The following TYW1 variants were observed in gnomAD, a reference collection of about 807,000 sequenced individuals.
The protein encoded by TYW1 is S-adenosyl-L-methionine-dependent tRNA 4-demethylwyosine synthase TYW1.
Under a neutral mutation model 96.2 loss-of-function variants are expected in TYW1, and 46 were observed. That is an observed-to-expected ratio of 0.48 (90% confidence interval 0.38 to 0.61). The LOEUF (loss-of-function observed/expected upper bound fraction) is 0.61. TYW1 is among the 20% of genes least tolerant of loss of function. TYW1 has a pLI of 0.00. For synonymous variants in TYW1, 274 were observed against 323.0 expected (o/e 0.85, Z 1.63); for missense variants, 684 against 909.6 (o/e 0.75, Z 3.19).
intron 15 of TYW1, among the ~76,000 whole-genome samples, chr7:67,216,977 G>A (rs542477443): frequency 1.0e-3 from 152 of 150,262 alleles, no homozygotes; most frequent in Admixed American, 2.1e-3. Flanking sequence ...ATGTGGCTTG[G>A]TGTGCAGATA....
At chr7:67,191,994 C>T (rs754268038) in intron 14 of TYW1, among the ~76,000 whole-genome samples, 1 of 151,612 alleles carries the variant, frequency 6.6e-6, no homozygotes, top group East Asian at 1.9e-4. Flanking sequence ...CTGCCGGGTT[C>T]GAGCTATTCT....
At chr7:67,076,370 A>G (rs1451525325) in intron 10 of TYW1, among the ~76,000 whole-genome samples, 1 of 152,286 alleles carries the variant, frequency 6.6e-6, no homozygotes, top group African/African-American at 2.4e-5. Flanking sequence ...TTCAGTTGCT[A>G]TTTCTTTGTG....
intron 3 of TYW1, among the ~76,000 whole-genome samples, chr7:67,003,766 G>A (rs952691245): frequency 3.9e-5 from 6 of 152,210 alleles, no homozygotes; most frequent in African/African-American, 1.4e-4. Flanking sequence ...TGTGAGGCCA[G>A]GTGTGGTGGC....
Position 66,998,332 on chromosome 7 carries a change from TTCTC to T in TYW1, c.135+139_135+142del, listed in dbSNP as rs199571386. On this transcript the variant is annotated intron_variant, in intron 2 of 15. Transcript: ENST00000359626. Reference sequence around the variant, plus strand: ...TAATGAAATGCCTAAAATAAATTTCTTCTCTAAGTTTTTGGAGACTAAGTTATCT... The same window carrying T: ...TAATGAAATGCCTAAAATAAATTTCTTAAGTTTTTGGAGACTAAGTTATCT... 2.0e-4 allele frequency: 246 copies of T among 1,222,962 alleles called. 2 individuals are homozygous for T. In the East Asian group the frequency reaches 5.9e-3, roughly 29 times the overall value. 75.8% of individuals were successfully genotyped at this position (1,222,962 alleles called of 1,614,324 possible). A position where few individuals can be genotyped will look rare whatever the true frequency, so the allele number is the denominator to read the frequency against.
intron 13 of TYW1, among the ~76,000 whole-genome samples, chr7:67,128,966 G>T (rs1797984874): frequency 6.6e-6 from 1 of 152,154 alleles, no homozygotes; most frequent in African/African-American, 2.4e-5. Flanking sequence ...TGGGATTACA[G>T]GTGTGAGCCA....
intron 10 of TYW1, among the ~76,000 whole-genome samples, chr7:67,080,380 C>A (rs1314069989): frequency 6.6e-6 from 1 of 150,782 alleles, no homozygotes; most frequent in Non-Finnish European, 1.5e-5. Flanking sequence ...TTATCTTATA[C>A]AAGGATAGCT....
intron 15 of TYW1, among the ~76,000 whole-genome samples, chr7:67,205,389 G>A (rs796984270): frequency 4.5e-4 from 60 of 132,362 alleles, no homozygotes; most frequent in Non-Finnish European, 8.3e-4. Context: ...ATGGAGGCGG[G>A]GGGGGGGCCT....
chr7:67,131,470 A>C (rs1798072133), intron 13 of TYW1, among the ~76,000 whole-genome samples: 1 of 152,190 alleles, frequency 6.6e-6, no homozygotes, highest in Non-Finnish European at 1.5e-5. Flanking sequence ...TTTCTATCCT[A>C]TCATACTTCT....
intron 10 of TYW1, among the ~76,000 whole-genome samples, chr7:67,073,975 G>A (rs968802421): frequency 4.0e-4 from 61 of 150,722 alleles, no homozygotes; most frequent in African/African-American, 1.5e-3. Flanking sequence ...CCAGCTACTC[G>A]GGAGGCTGAG....
At chr7:67,209,721 C>T (rs371090724) in intron 15 of TYW1, among the ~76,000 whole-genome samples, 328 of 152,132 alleles carry the variant, frequency 2.2e-3, no homozygotes, top group African/African-American at 7.6e-3. Flanking sequence ...TACAAGCGCA[C>T]GCCACCACGC....
At chr7:67,117,294 A>G (rs1797624489) in intron 12 of TYW1, among the ~76,000 whole-genome samples, 189 bp from the exon 13 acceptor site, 2 of 152,232 alleles carry the variant, frequency 1.3e-5, no homozygotes, top group African/African-American at 2.4e-5. Flanking sequence ...CATTTAAAAA[A>G]TAACCAGAGG....
chr7:67,082,181 C>A (rs760815456), intron 10 of TYW1, among the ~76,000 whole-genome samples: 5 of 151,842 alleles, frequency 3.3e-5, no homozygotes, highest in Non-Finnish European at 5.9e-5. Flanking sequence ...GTCATGTTTT[C>A]TTGCTATTTC....
chr7:67,045,722 A>G (rs1355162419), intron 7 of TYW1, among the ~76,000 whole-genome samples: 2 of 152,188 alleles, frequency 1.3e-5, no homozygotes. Flanking sequence ...TGGCGAGGAC[A>G]TGAGTTTTCT....
chr7:67,128,451 C>A (rs556805323), intron 13 of TYW1, among the ~76,000 whole-genome samples: 1 of 152,190 alleles, frequency 6.6e-6, no homozygotes, highest in Non-Finnish European at 1.5e-5. Context: ...ACTTTATCCA[C>A]TGGAGCCCTT....
chr7:67,121,383 A>G lies in TYW1; in HGVS notation c.1698+3765A>G, dbSNP rs1216575274. Among the ~76,000 whole-genome samples, 4 of 152,124 alleles carry G rather than the reference A, an allele frequency of 2.6e-5. No homozygotes were observed. The East Asian group carries it at 5.8e-4, about 22-fold the overall frequency. On this transcript the variant is annotated intron_variant, in intron 13 of 15. Transcript: ENST00000359626. ...AAACCCCGTCTCTACTACAAATACA[A>G]AAAAACAATTAGCCAGGAGTGGTGG...
intron 15 of TYW1, among the ~76,000 whole-genome samples, chr7:67,197,796 A>G (rs1800449122): frequency 6.6e-6 from 1 of 151,916 alleles, no homozygotes; most frequent in African/African-American, 2.4e-5. Context: ...TTAAATTTGG[A>G]AATTATTTCA....
chr7:67,153,727 G>A lies in TYW1; in HGVS notation c.1699-29399G>A, dbSNP rs144436108. Among the ~76,000 whole-genome samples the A allele has an allele frequency of 4.8e-4, 73 of 152,196 alleles. 1 individual carries two copies. Among genetic ancestry groups the A allele is most frequent in the African/African-American group, 1.7e-3 (69 of 41,564 alleles). Reference sequence around the variant, plus strand: ...ATTTAGAAACCATCTTTATTGACATGTTTAGTTTATACTAACTATACTTGA... The same window carrying A: ...ATTTAGAAACCATCTTTATTGACATATTTAGTTTATACTAACTATACTTGA... On this transcript the variant is annotated intron_variant, in intron 13 of 15. Coordinates refer to ENST00000359626, the MANE Select transcript of TYW1 (RefSeq NM_018264.4).
chr7:67,161,757 G>GTA (rs1223200569), intron 13 of TYW1, among the ~76,000 whole-genome samples: 10 of 152,018 alleles, frequency 6.6e-5, no homozygotes, highest in Non-Finnish European at 1.2e-4. Flanking sequence ...CCTAATGTTA[G>GTA]TATAATAAGT....
chr7:67,024,258 G>T (rs1275700095), intron 6 of TYW1, among the ~76,000 whole-genome samples: 3 of 152,068 alleles, frequency 2.0e-5, no homozygotes, highest in Non-Finnish European at 2.9e-5. Flanking sequence ...TTGAACTCCT[G>T]GCTTCAAGTG....
Sources: allele counts gnomAD v4.1 joint callset (sites outside exome capture counted in the v4.1 genomes callset), GRCh38; gene constraint gnomAD v4.1.1; transcripts MANE v1.5; gene names NCBI Gene and HGNC (gene_info 2026-07-23, HGNC 2026-07-21).